Variants in GPC3 observed in about 807,000 individuals in gnomAD.
GPC3 encodes the protein glypican-3.
In GPC3, 3 loss-of-function variants were observed where a neutral mutation model predicts 34.4. That is an observed-to-expected ratio of 0.09 (90% CI 0.04 to 0.23). The LOEUF (loss-of-function observed/expected upper bound fraction) is 0.23, where lower values mean the gene tolerates loss of function less well. Ranked by LOEUF, GPC3 falls within the 10% of genes least tolerant of loss-of-function variation. GPC3 has a pLI of 1.00. For missense variants in GPC3, 351 were observed against 445.6 expected (o/e 0.79, Z 1.91); for synonymous variants, 177 against 174.0 (o/e 1.02, Z -0.13).
intron 3 of GPC3, among the ~76,000 whole-genome samples, chrX:133,729,989 T>C (rs2071446910): frequency 8.9e-6 from 1 of 112,245 alleles, no homozygotes; most frequent in Non-Finnish European, 1.9e-5. Flanking sequence ...AATTGCTTTA[T>C]ATATTAATCA....
intron 2 of GPC3, among the ~76,000 whole-genome samples, chrX:133,863,973 G>A (rs1176826918): frequency 1.8e-5 from 2 of 111,786 alleles, no homozygotes; most frequent in Non-Finnish European, 3.8e-5. Context: ...TCCTAAGAGA[G>A]ATAACACACT....
At chrX:133,911,288 C>T (rs1178750435) in intron 2 of GPC3, among the ~76,000 whole-genome samples, 1 of 111,776 alleles carries the variant, frequency 8.9e-6, no homozygotes, top group Non-Finnish European at 1.9e-5. Context: ...CAAATACATG[C>T]TAGGTACTGT....
At chrX:133,877,700 A>G (rs1400157573) in intron 2 of GPC3, among the ~76,000 whole-genome samples, 1 of 112,159 alleles carries the variant, frequency 8.9e-6, no homozygotes, top group Non-Finnish European at 1.9e-5. Context: ...ACTCAAAACA[A>G]ATTACTCTAT....
At chrX:133,609,228 C>G (rs2070082565) in intron 6 of GPC3, among the ~76,000 whole-genome samples, 1 of 112,539 alleles carries the variant, frequency 8.9e-6, no homozygotes, top group Non-Finnish European at 1.9e-5. Flanking sequence ...GATTGGGTCT[C>G]TCTGAATTCA....
chrX:133,960,289 C>T (rs899429957), intron 1 of GPC3, among the ~76,000 whole-genome samples: 4 of 109,544 alleles, frequency 3.7e-5, no homozygotes, highest in Non-Finnish European at 7.6e-5. Flanking sequence ...CAGTAATGGA[C>T]CACTGGAGCT....
chrX:133,766,636 T>C (rs1391519343), intron 2 of GPC3, among the ~76,000 whole-genome samples: 1 of 112,258 alleles, frequency 8.9e-6, no homozygotes, highest in Non-Finnish European at 1.9e-5. Flanking sequence ...TACTCGTGCA[T>C]GCATGTGTTT....
At chrX:133,868,751 C>T (rs1040778629) in intron 2 of GPC3, among the ~76,000 whole-genome samples, 1 of 111,279 alleles carries the variant, frequency 9.0e-6, no homozygotes, top group Non-Finnish European at 1.9e-5. Context: ...CTCAAGTCAA[C>T]CCTCACTTTC....
At chrX:133,640,072 G>A (rs2070466393) in intron 6 of GPC3, among the ~76,000 whole-genome samples, 1 of 111,516 alleles carries the variant, frequency 9.0e-6, no homozygotes, top group African/African-American at 3.3e-5. Context: ...AAAATATTTG[G>A]GGAAGGCACC....
At chrX:133,972,809 A>G (rs1224116501) in intron 1 of GPC3, among the ~76,000 whole-genome samples, 2 of 111,800 alleles carry the variant, frequency 1.8e-5, no homozygotes, top group African/African-American at 6.5e-5. Context: ...CCAGAAATAT[A>G]GAACGTTAAG....
chrX:133,672,645 G>GTGTT (rs749158884), intron 5 of GPC3, among the ~76,000 whole-genome samples: 1,571 of 111,766 alleles, frequency 0.014, 42 homozygotes, highest in African/African-American at 0.049. Flanking sequence ...TTTACCTGGT[G>GTGTT]TGTTTGTTTG....
At chrX:133,793,077 TA>T (rs3216447) in intron 2 of GPC3, among the ~76,000 whole-genome samples, 1,319 of 101,294 alleles carry the variant, frequency 0.013, 23 homozygotes, top group African/African-American at 0.043. Context: ...AAAATAGAAA[TA>T]AAAAAAAAAA....
chrX:133,979,610 A>T (rs2076529861), intron 1 of GPC3, among the ~76,000 whole-genome samples: 1 of 111,722 alleles, frequency 9.0e-6, no homozygotes, highest in Non-Finnish European at 1.9e-5. Context: ...ATTTCAAAAC[A>T]CGCATTTTCT....
At chrX:133,543,497 T>C (rs1337160012) in intron 7 of GPC3, among the ~76,000 whole-genome samples, 1 of 112,635 alleles carries the variant, frequency 8.9e-6, no homozygotes, top group East Asian at 2.8e-4. Context: ...AATAATCCAA[T>C]GGCCTCTCCT....
intron 3 of GPC3, among the ~76,000 whole-genome samples, chrX:133,714,028 A>G (rs1865635679): frequency 8.9e-6 from 1 of 112,531 alleles, no homozygotes; most frequent in African/African-American, 3.2e-5. Flanking sequence ...AGATTTTAAC[A>G]TAACAGAAAA....
chrX:133,591,706 A>G (rs756009778), intron 7 of GPC3, among the ~76,000 whole-genome samples: 53 of 112,262 alleles, frequency 4.7e-4, no homozygotes, highest in African/African-American at 1.6e-3. Context: ...AGATTTTGAA[A>G]AGGCCCTTGA....
chrX:133,842,386 A>G (rs1172583156), intron 2 of GPC3, among the ~76,000 whole-genome samples: 1 of 107,596 alleles, frequency 9.3e-6, no homozygotes, highest in Non-Finnish European at 1.9e-5. Context: ...ATTATATTAT[A>G]TACATAATGT....
At chrX:133,948,151 C>T (rs1009457328) in intron 2 of GPC3, among the ~76,000 whole-genome samples, 3 of 111,047 alleles carry the variant, frequency 2.7e-5, no homozygotes, top group Non-Finnish European at 5.7e-5. Flanking sequence ...GATTGAATCT[C>T]AAAAACATGT....
At chrX:133,686,109 G>A (rs776013477) in intron 5 of GPC3, among the ~76,000 whole-genome samples, 1 of 112,016 alleles carries the variant, frequency 8.9e-6, no homozygotes, top group Admixed American at 9.5e-5. Context: ...AGTCACTAGG[G>A]AAATATAAAC....
At chrX:133,570,185 C>CT (rs2069615174) in intron 7 of GPC3, among the ~76,000 whole-genome samples, 1 of 109,344 alleles carries the variant, frequency 9.1e-6, no homozygotes, top group African/African-American at 3.4e-5. Context: ...GCCACCGCGC[C>CT]CGGCCTGTTT....
Sources: allele counts gnomAD v4.1 joint callset (sites outside exome capture counted in the v4.1 genomes callset), GRCh38; gene constraint gnomAD v4.1.1; transcripts MANE v1.5; gene names NCBI Gene and HGNC (gene_info 2026-07-23, HGNC 2026-07-21).